SGCD: variants seen among roughly 807,000 people sequenced by gnomAD.
SGCD encodes sarcoglycan delta.
Under a neutral mutation model 36.6 loss-of-function variants are expected in SGCD, and 18 were observed. The observed-to-expected ratio is 0.49, with a 90% confidence interval of 0.34 to 0.73. The LOEUF (loss-of-function observed/expected upper bound fraction) is 0.73. Among genes scored for constraint, SGCD ranks in the 30% least tolerant of loss-of-function variants. SGCD has a pLI of 0.01. For synonymous variants in SGCD, 133 were observed against 130.6 expected (o/e 1.02, Z -0.12); for missense variants, 387 against 346.7 (o/e 1.12, Z -0.92).
chr5:155,891,558 CTTTTTTT>C (rs372399423), intron 1 of SGCD, among the ~76,000 whole-genome samples: 1 of 60,774 alleles, frequency 1.6e-5, no homozygotes, highest in Non-Finnish European at 2.8e-5. Flanking sequence ...AATAAATACT[CTTTTTTT>C]TTTTTTTTTT....
At chr5:156,027,117 C>T (rs1759240216) in intron 1 of SGCD, among the ~76,000 whole-genome samples, 1 of 152,180 alleles carries the variant, frequency 6.6e-6, no homozygotes, top group Admixed American at 6.5e-5. Flanking sequence ...GGTGACGTAA[C>T]TTGGTATTTC....
At chr5:156,404,507 G>A (rs1019358119) in intron 3 of SGCD, among the ~76,000 whole-genome samples, 1 of 152,088 alleles carries the variant, frequency 6.6e-6, no homozygotes, top group Admixed American at 6.6e-5. Flanking sequence ...CCTTGCCTCT[G>A]CCTTTTACCC....
Position 156,669,862 on chromosome 5 carries a change from AT to A in SGCD, c.575+22334del, listed in dbSNP as rs558151058. Among the ~76,000 whole-genome samples, 3 of 152,140 alleles carry A rather than the reference AT, an allele frequency of 2.0e-5. No individual in the cohort carries two copies. In the South Asian group the frequency reaches 6.2e-4, roughly 32 times the overall value. ...ACATCCTCCCCAAAAGCAGTCCTAG[AT>A]TTTTTTTAATCTTTTAAATTTAAGT... On this transcript the variant is annotated intron_variant, in intron 7 of 8. Transcript: ENST00000337851.
chr5:156,272,771 A>C (rs1247015720), intron 3 of SGCD, among the ~76,000 whole-genome samples: 2 of 152,176 alleles, frequency 1.3e-5, no homozygotes, highest in African/African-American at 4.8e-5. Context: ...TATCTTTTAG[A>C]GCAGGGAAAG....
At chr5:156,404,417 G>C (rs1580937655) in intron 3 of SGCD, among the ~76,000 whole-genome samples, 1 of 152,320 alleles carries the variant, frequency 6.6e-6, no homozygotes, top group East Asian at 1.9e-4. Context: ...ACCTCCTGCT[G>C]CAAATGTCTT....
intron 4 of SGCD, among the ~76,000 whole-genome samples, chr5:156,529,197 A>T (rs6893816): frequency 6.6e-6 from 1 of 151,694 alleles, no homozygotes; most frequent in Non-Finnish European, 1.5e-5. Context: ...AAGGCTGAGG[A>T]GGGTGGATAA....
At chr5:155,770,479 A>G in the SGCD span, among the ~76,000 whole-genome samples, 2 of 152,156 alleles carry the variant, frequency 1.3e-5, no homozygotes, top group African/African-American at 4.8e-5. Flanking sequence ...CTGAAAGAGG[A>G]GTTTGGCTGG....
intron 3 of SGCD, among the ~76,000 whole-genome samples, chr5:156,252,686 C>T (rs1765613530): frequency 6.6e-6 from 1 of 152,124 alleles, no homozygotes. Context: ...AGCAGTTTAC[C>T]AGCAAGCAGG....
At chr5:156,757,261 T>G (rs1490423978) in intron 7 of SGCD, among the ~76,000 whole-genome samples, 3 of 2,260 alleles carry the variant, frequency 1.3e-3, no homozygotes, top group African/African-American at 1.6e-3. Context: ...GACTTACTTT[T>G]ACAAAAAAAA....
chr5:156,763,260 T>G lies in SGCD; in HGVS notation c.*3870T>G, dbSNP rs1457001809. 2.6e-5 allele frequency: 4 copies of G among 152,624 alleles called. No individual in the cohort carries two copies. The highest frequency in any genetic ancestry group is 9.7e-5 in the African/African-American group (4 of 41,436). The allele number at this position is 152,624 out of a possible 1,614,324, so 9.5% of individuals were successfully genotyped here. On this transcript the variant is annotated 3_prime_UTR_variant, in exon 9 of 9. Coordinates refer to ENST00000337851, the MANE Select transcript of SGCD (RefSeq NM_000337.6). ...TAAAGTTTTCCACTTCACCCTCCCA[T>G]AGTCTAGAGGGATGCCCATTCCATG... is the stretch of plus-strand genomic sequence containing the variant.
intron 7 of SGCD, among the ~76,000 whole-genome samples, chr5:156,739,186 C>T (rs573904364): frequency 6.6e-6 from 1 of 151,928 alleles, no homozygotes; most frequent in African/African-American, 2.4e-5. Flanking sequence ...AACTAGACTG[C>T]AATAATAATC....
the SGCD span, among the ~76,000 whole-genome samples, chr5:155,779,885 T>C: frequency 6.6e-6 from 1 of 152,154 alleles, no homozygotes; most frequent in East Asian, 1.9e-4. Flanking sequence ...TAAATTTGTA[T>C]TTTTTTATTA....
intron 2 of SGCD, among the ~76,000 whole-genome samples, chr5:156,118,583 A>T (rs1402253359): frequency 6.6e-6 from 1 of 152,120 alleles, no homozygotes; most frequent in Non-Finnish European, 1.5e-5. Flanking sequence ...AGTTTATGAG[A>T]GACACATATT....
At chr5:156,044,298 AGTT>A (rs1554114229) in intron 1 of SGCD, among the ~76,000 whole-genome samples, 33 of 152,308 alleles carry the variant, frequency 2.2e-4, no homozygotes, top group Non-Finnish European at 1.5e-5. Flanking sequence ...AAAATCAAAA[AGTT>A]GTATTTCTGT....
the SGCD span, among the ~76,000 whole-genome samples, chr5:155,743,538 C>A: frequency 2.0e-5 from 3 of 152,220 alleles, no homozygotes; most frequent in African/African-American, 7.2e-5. Context: ...AGTTTTATGA[C>A]CCTGATTGCA....
the SGCD span, among the ~76,000 whole-genome samples, chr5:155,835,774 T>G: frequency 1.3e-5 from 2 of 152,238 alleles, no homozygotes; most frequent in Non-Finnish European, 2.9e-5. Context: ...ATGGTTTCAG[T>G]TACCCACTGT....
At chr5:156,739,458 C>G (rs75639002) in intron 7 of SGCD, among the ~76,000 whole-genome samples, 2 of 152,070 alleles carry the variant, frequency 1.3e-5, no homozygotes. Flanking sequence ...TTGCAAATTG[C>G]GTCCAGTGGC....
intron 2 of SGCD, among the ~76,000 whole-genome samples, chr5:156,332,962 A>T (rs1381316643): frequency 1.3e-5 from 2 of 152,224 alleles, no homozygotes; most frequent in East Asian, 1.9e-4. Context: ...TCCTCAATAG[A>T]TGTACATACA....
chr5:156,226,655 C>T (rs945504541), intron 3 of SGCD, among the ~76,000 whole-genome samples: 2 of 152,092 alleles, frequency 1.3e-5, no homozygotes, highest in African/African-American at 4.8e-5. Flanking sequence ...TTTTCCATAG[C>T]GGCTGTACTA....
Sources: gnomAD v4.1 joint callset for allele counts (sites outside exome capture counted in the v4.1 genomes callset) on GRCh38, gnomAD v4.1.1 for gene constraint, MANE v1.5 for transcripts, NCBI Gene and HGNC (gene_info 2026-07-23, HGNC 2026-07-21) for gene names.